The following SACM1L variants were observed in gnomAD, a reference collection of about 807,000 sequenced individuals.
SACM1L encodes the protein SAC1 like phosphatidylinositide phosphatase.
A neutral mutation model predicts 89.5 loss-of-function variants in SACM1L; 32 were observed. That is an observed-to-expected ratio of 0.36 (90% CI 0.27 to 0.48). SACM1L has a LOEUF of 0.48. SACM1L is among the 20% of genes least tolerant of loss of function. The pLI, the probability that SACM1L is intolerant of heterozygous loss-of-function variation, is 0.99. For synonymous variants in SACM1L, 213 were observed against 232.8 expected (o/e 0.92, Z 0.77); for missense variants, 543 against 708.5 (o/e 0.77, Z 2.65).
intron 11 of SACM1L, among the ~76,000 whole-genome samples, chr3:45,725,026 C>G (rs949808483): frequency 6.6e-6 from 1 of 152,164 alleles, no homozygotes; most frequent in African/African-American, 2.4e-5. Context: ...AGGCTCTGTT[C>G]TATTCCATTG....
intron 11 of SACM1L, among the ~76,000 whole-genome samples, chr3:45,726,351 A>C (rs1575405080): frequency 6.8e-6 from 1 of 147,918 alleles, no homozygotes; most frequent in African/African-American, 2.5e-5. Context: ...TTGTTAGGAG[A>C]CTTTTTTTTT....
chr3:45,743,891 G>T lies in SACM1L; in HGVS notation c.*222G>T. 1 of 385,912 alleles carries T rather than the reference G, an allele frequency of 2.6e-6. No homozygotes were observed. Among genetic ancestry groups the T allele is most frequent in the Non-Finnish European group, 4.5e-6 (1 of 220,176 alleles). 23.9% of individuals were successfully genotyped at this position (385,912 alleles called of 1,614,324 possible). A position where few individuals can be genotyped will look rare whatever the true frequency, so the allele number is the denominator to read the frequency against. ...TAGATTTATAATTTGAAGCTATTCT[G>T]TAATTAAAATATAACCTGAATTCAG... On this transcript the variant is annotated 3_prime_UTR_variant, in exon 20 of 20. Transcript: ENST00000389061.
intron 12 of SACM1L, 78 bp downstream of exon 12, chr3:45,731,458 AC>A: frequency 1.2e-6 from 1 of 847,478 alleles, no homozygotes; most frequent in Non-Finnish European, 1.8e-6. Flanking sequence ...CATAGAGCTC[AC>A]TAGACATATG....
intron 8 of SACM1L, 69 bp from the exon 9 acceptor site, chr3:45,721,931 A>G (rs1698797287): frequency 9.9e-7 from 1 of 1,013,598 alleles, no homozygotes; most frequent in Non-Finnish European, 1.5e-6. Flanking sequence ...GTTAACCTGA[A>G]TTAGTGGGTT....
At chr3:45,703,643 C>CACACCTT (rs1698324827) in intron 2 of SACM1L, 108 bp downstream of exon 2, 1 of 621,768 alleles carries the variant, frequency 1.6e-6, no homozygotes, top group Non-Finnish European at 2.7e-6. Flanking sequence ...TCTCTGAGTG[C>CACACCTT]ATTCTTATTA....
At chr3:45,699,412 A>G (rs914542759) in intron 1 of SACM1L, among the ~76,000 whole-genome samples, 1 of 151,394 alleles carries the variant, frequency 6.6e-6, no homozygotes, top group African/African-American at 2.4e-5. Context: ...ATGGTGTATC[A>G]TAATTACATT....
intron 14 of SACM1L, among the ~76,000 whole-genome samples, chr3:45,735,657 G>A (rs759526772): frequency 1.9e-4 from 29 of 151,826 alleles, no homozygotes; most frequent in Non-Finnish European, 4.3e-4. Flanking sequence ...TACATTTTTG[G>A]TTTATAAATA....
At chr3:45,703,369 A>G in intron 1 of SACM1L, 69 bp from the exon 2 acceptor site, 1 of 1,027,416 alleles carries the variant, frequency 9.7e-7, no homozygotes. Context: ...TGTAATTGTC[A>G]TAATAAGTAG....
At chr3:45,720,587 T>C (rs1559545291) in intron 8 of SACM1L, among the ~76,000 whole-genome samples, 1 of 152,204 alleles carries the variant, frequency 6.6e-6, no homozygotes, top group Admixed American at 6.5e-5. Context: ...TTCCTTTTTT[T>C]CCTTCATATC....
chr3:45,740,400 G>T (rs1167403940), intron 19 of SACM1L, among the ~76,000 whole-genome samples: 1 of 152,098 alleles, frequency 6.6e-6, no homozygotes, highest in Non-Finnish European at 1.5e-5. Context: ...AGATTTTGGG[G>T]CCCACAAGGA....
In SACM1L at chr3:45,745,287, A is replaced by T. The variant is rs138086504; in HGVS notation, c.*1618A>T. On this transcript the variant is annotated 3_prime_UTR_variant, in exon 20 of 20. Transcript: ENST00000389061. ...TGCTAATGTGGCTGCTTTGTAGGGAATGGACTAATATCAGTGTGTTAGATC... is the reference window on the plus strand; with the variant it reads ...TGCTAATGTGGCTGCTTTGTAGGGATTGGACTAATATCAGTGTGTTAGATC... The T allele has an allele frequency of 2.6e-5, 4 of 152,684 alleles. No individual in the cohort carries two copies. Among genetic ancestry groups the T allele is most frequent in the African/African-American group, 4.8e-5 (2 of 41,476 alleles). The allele number at this position is 152,684 out of a possible 1,614,324, so 9.5% of individuals were successfully genotyped here.
intron 19 of SACM1L, among the ~76,000 whole-genome samples, chr3:45,740,754 C>T (rs1699295618): frequency 6.6e-6 from 1 of 151,936 alleles, no homozygotes; most frequent in Admixed American, 6.6e-5. Context: ...TACGTATTTT[C>T]ATTATCTGCT....
intron 4 of SACM1L, 29 bp downstream of exon 4, chr3:45,706,936 A>AAC (rs1559539768): frequency 6.2e-7 from 1 of 1,607,922 alleles, no homozygotes; most frequent in Admixed American, 1.7e-5. Context: ...TACTAATTGC[A>AAC]GCGCCCAAAG....
chr3:45,727,724 T>C (rs1351476200), intron 11 of SACM1L, among the ~76,000 whole-genome samples: 1 of 152,150 alleles, frequency 6.6e-6, no homozygotes, highest in East Asian at 1.9e-4. Flanking sequence ...GCCTCCCGAG[T>C]AGCTGGGACT....
intron 1 of SACM1L, among the ~76,000 whole-genome samples, chr3:45,702,212 C>A (rs991459613): frequency 6.6e-6 from 1 of 152,170 alleles, no homozygotes; most frequent in Non-Finnish European, 1.5e-5. Flanking sequence ...CCTCAGAGAA[C>A]TTGCAGTAAA....
At chr3:45,718,437 C>T (rs1378929501) in intron 7 of SACM1L, among the ~76,000 whole-genome samples, 1 of 152,138 alleles carries the variant, frequency 6.6e-6, no homozygotes, top group Non-Finnish European at 1.5e-5. Flanking sequence ...AAAGGTGCTT[C>T]AGAGATGCTA....
chr3:45,736,091 A>C (rs1699191832), intron 14 of SACM1L, among the ~76,000 whole-genome samples: 1 of 152,098 alleles, frequency 6.6e-6, no homozygotes, highest in Admixed American at 6.5e-5. Flanking sequence ...GTTGGTCTCA[A>C]ACCCCTGGGC....
chr3:45,689,922 C>T (rs1227790884), intron 1 of SACM1L: 1 of 203,370 alleles, frequency 4.9e-6, no homozygotes. Flanking sequence ...ACGCACAAAT[C>T]AACAAATCTT....
Position 45,738,870 on chromosome 3 carries a change from G to C in SACM1L, c.1566G>C (p.Leu522=). Residue 522 remains leucine, a synonymous_variant, in exon 18 of 20, where the codon CTG becomes CTC. Transcript: ENST00000389061. ...PLSVPRDWKF[L]ALPIIMVVAF... ...GTGTTCCAAGGGACTGGAAATTCCT[G>C]GCTGTAAGAAACCATTTTGTATTTT... 2 of 1,591,572 alleles carry C rather than the reference G, an allele frequency of 1.3e-6. No individual in the cohort carries two copies. Among genetic ancestry groups the C allele is most frequent in the Non-Finnish European group, 1.7e-6 (2 of 1,162,730 alleles).
Sources: allele counts gnomAD v4.1 joint callset (sites outside exome capture counted in the v4.1 genomes callset), GRCh38; gene constraint gnomAD v4.1.1; transcripts MANE v1.5; gene names NCBI Gene and HGNC (gene_info 2026-07-23, HGNC 2026-07-21).